FAM98B: variants seen among roughly 807,000 people sequenced by gnomAD.
FAM98B encodes tRNA splicing ligase complex subunit 3B.
Under a neutral mutation model 43.9 loss-of-function variants are expected in FAM98B, and 32 were observed. The observed-to-expected ratio is 0.73, with a 90% confidence interval of 0.55 to 0.98. The LOEUF is 0.98. Ranked by LOEUF, FAM98B falls within the 50% of genes least tolerant of loss-of-function variation. The pLI is 0.00. For synonymous variants in FAM98B, 190 were observed against 174.0 expected (o/e 1.09, Z -0.72); for missense variants, 514 against 522.9 (o/e 0.98, Z 0.17).
chr15:38,462,786 A>C (rs1179276493), intron 1 of FAM98B, among the ~76,000 whole-genome samples: 1 of 152,252 alleles, frequency 6.6e-6, no homozygotes, highest in African/African-American at 2.4e-5. Flanking sequence ...AAAGGCATAG[A>C]AACAGTGACC....
At chr15:38,479,733 T>A (rs914492801) in intron 6 of FAM98B, among the ~76,000 whole-genome samples, 6 of 152,222 alleles carry the variant, frequency 3.9e-5, no homozygotes, top group Non-Finnish European at 2.9e-5. Flanking sequence ...AGTAAAATTT[T>A]ATGGTGGATT....
At chr15:38,475,596 T>G (rs1890186538) in intron 6 of FAM98B, among the ~76,000 whole-genome samples, 1 of 152,320 alleles carries the variant, frequency 6.6e-6, no homozygotes, top group South Asian at 2.1e-4. Flanking sequence ...TCTCTCTCTC[T>G]GCTTCCATTG....
intron 4 of FAM98B, among the ~76,000 whole-genome samples, chr15:38,472,102 A>G (rs1356410589): frequency 2.6e-5 from 4 of 152,180 alleles, no homozygotes; most frequent in African/African-American, 7.2e-5. Context: ...GTCAACCTCC[A>G]GAGCCTGTGC....
intron 6 of FAM98B, among the ~76,000 whole-genome samples, chr15:38,479,989 T>G (rs1890259324): frequency 6.6e-6 from 1 of 152,156 alleles, no homozygotes; most frequent in Admixed American, 6.5e-5. Flanking sequence ...AATTTCCTCT[T>G]TTTAACTTCT....
intron 1 of FAM98B, chr15:38,458,886 G>T: frequency 2.2e-6 from 1 of 445,824 alleles, no homozygotes; most frequent in Non-Finnish European, 4.5e-6. Context: ...TTCTCTGGGT[G>T]GAAGATGTAA....
intron 7 of FAM98B, chr15:38,483,665 C>CAAAAAAA (rs1288830053): frequency 8.2e-5 from 4 of 48,646 alleles, no homozygotes; most frequent in Non-Finnish European, 1.5e-4. Flanking sequence ...GACTCCATCT[C>CAAAAAAA]AAAAAAAAAA....
chr15:38,482,311 A>G (rs926023155), intron 7 of FAM98B: 1 of 152,222 alleles, frequency 6.6e-6, no homozygotes, highest in South Asian at 2.1e-4. Context: ...CTCTCTTTAA[A>G]TATATTACCT....
At chr15:38,474,396 A>G (rs1890168473) in intron 6 of FAM98B, 98 bp downstream of exon 6, 1 of 726,916 alleles carries the variant, frequency 1.4e-6, no homozygotes, top group East Asian at 2.5e-5. Flanking sequence ...TTTGTACTTC[A>G]TCACCATCTC....
chr15:38,455,187 T>C lies in FAM98B; in HGVS notation c.71+955T>C, dbSNP rs566561840. On this transcript the variant is annotated intron_variant, in intron 1 of 7. Transcript: ENST00000397609. ...CTAGAACGGAGTCTTTTACAGTAAA[T>C]AGTGGTTGAATGAATGAGTAAATGA... 6.6e-4 allele frequency among the ~76,000 whole-genome samples: 100 copies of C among 152,218 alleles called. 1 individual carries two copies. The highest frequency in any genetic ancestry group is 2.2e-3 in the African/African-American group (91 of 41,522).
chr15:38,478,265 G>A (rs1176501206), intron 6 of FAM98B, among the ~76,000 whole-genome samples: 2 of 151,986 alleles, frequency 1.3e-5, no homozygotes, highest in African/African-American at 4.8e-5. Flanking sequence ...TTCTCATGTT[G>A]GTCTTTTTTC....
intron 1 of FAM98B, 84 bp downstream of exon 1, chr15:38,454,316 G>T: frequency 2.1e-6 from 3 of 1,444,924 alleles, no homozygotes; most frequent in Non-Finnish European, 2.9e-6. Context: ...TTGGGCCTCT[G>T]TGGGCCTGGG....
At position 38,457,709 on chromosome 15, in the gene FAM98B, G is replaced by A. The variant is rs1205554833; in HGVS notation, c.71+3477G>A. On this transcript the variant is annotated intron_variant, in intron 1 of 7. Transcript: ENST00000397609. ...GTAATGGCAAGAATAGAGGTGGAGAGGAAAACTGAGCAAAGGGGATGTTGG... is the reference window on the plus strand; with the variant it reads ...GTAATGGCAAGAATAGAGGTGGAGAAGAAAACTGAGCAAAGGGGATGTTGG... Among the ~76,000 whole-genome samples the A allele has an allele frequency of 2.0e-5, 3 of 152,074 alleles. No individual in the cohort carries two copies. In the South Asian group the frequency reaches 6.2e-4, roughly 32 times the overall value.
chr15:38,486,570 C>T lies in FAM98B; in HGVS notation c.*1911C>T, dbSNP rs533206691. 3 of 152,152 alleles carry T rather than the reference C, an allele frequency of 2.0e-5. No individual in the cohort carries two copies. The highest frequency in any genetic ancestry group is 4.4e-5 in the Non-Finnish European group (3 of 67,968). The allele number at this position is 152,152 out of a possible 1,614,324, so 9.4% of individuals were successfully genotyped here. A position where few individuals can be genotyped will look rare whatever the true frequency, so the allele number is the denominator to read the frequency against. On this transcript the variant is annotated 3_prime_UTR_variant, in exon 8 of 8. Transcript: ENST00000397609. ...GATTTTCCATAAGATTTCTTTGTAC[C>T]TTTATAGGAGTGCTGCTTGGGTTAT...
At chr15:38,473,460 A>T (rs187994626) in intron 4 of FAM98B, 45 bp from the exon 5 acceptor site, 3 of 1,383,148 alleles carry the variant, frequency 2.2e-6, no homozygotes, top group Admixed American at 3.7e-5. Flanking sequence ...GATTGTTTTA[A>T]ATTAGGAATA....
intron 1 of FAM98B, among the ~76,000 whole-genome samples, chr15:38,456,981 G>A (rs905594551): frequency 3.9e-5 from 6 of 152,124 alleles, no homozygotes; most frequent in African/African-American, 7.2e-5. Context: ...GGATGTGATC[G>A]AATAATTTTA....
chr15:38,455,439 A>G (rs1889833078), intron 1 of FAM98B, among the ~76,000 whole-genome samples: 1 of 151,778 alleles, frequency 6.6e-6, no homozygotes, highest in African/African-American at 2.4e-5. Context: ...TTGCCCCTCT[A>G]TCAATTGTTT....
At position 38,481,367 on chromosome 15, in the gene FAM98B, G is replaced by GC; in HGVS notation, c.806dup (p.His270ThrfsTer7). 6.2e-7 allele frequency: 1 copy of GC among 1,614,100 alleles called. No homozygotes were observed. The highest frequency in any genetic ancestry group is 8.5e-7 in the Non-Finnish European group (1 of 1,180,016). ...GTCACCCAAGACAACGATTACAATG[G>GC]CACATCTACTTGCTGCTCGTGAAGA... On this transcript the variant is annotated frameshift_variant, in exon 7 of 8. Transcript: ENST00000397609. LOFTEE classifies it high-confidence loss of function.
chr15:38,481,265 C>T lies in FAM98B; in HGVS notation c.730-27C>T, dbSNP rs1246141330. The T allele has an allele frequency of 2.5e-6, 4 of 1,572,824 alleles. No homozygotes were observed. In the South Asian group the frequency reaches 3.4e-5, roughly 13 times the overall value. On this transcript the variant is annotated intron_variant, in intron 6 of 7. Coordinates refer to ENST00000397609, the MANE Select transcript of FAM98B (RefSeq NM_173611.4). Reference sequence around the variant, plus strand: ...CTTTCATTAAAATGTACTTTTGTTCCTTTTTTCCTTAACTCTTGTCATTTA... The same window carrying T: ...CTTTCATTAAAATGTACTTTTGTTCTTTTTTTCCTTAACTCTTGTCATTTA...
In FAM98B at chr15:38,486,619, T is replaced by C. The variant is rs1890376788; in HGVS notation, c.*1960T>C. 1 of 152,184 alleles carries C rather than the reference T, an allele frequency of 6.6e-6. No homozygotes were observed. Among genetic ancestry groups the C allele is most frequent in the Non-Finnish European group, 1.5e-5 (1 of 67,992 alleles). 9.4% of individuals were successfully genotyped at this position (152,184 alleles called of 1,614,324 possible). A position where few individuals can be genotyped will look rare whatever the true frequency, so the allele number is the denominator to read the frequency against. ...ATTCACTACAATCACTTATTTCCTATCAAAGTTTAGCACTTGCTCCTGGAA... is the reference window on the plus strand; with the variant it reads ...ATTCACTACAATCACTTATTTCCTACCAAAGTTTAGCACTTGCTCCTGGAA... On this transcript the variant is annotated 3_prime_UTR_variant, in exon 8 of 8. Transcript: ENST00000397609.
Sources: gnomAD v4.1 joint callset for allele counts (sites outside exome capture counted in the v4.1 genomes callset) on GRCh38, gnomAD v4.1.1 for gene constraint, MANE v1.5 for transcripts, NCBI Gene and HGNC (gene_info 2026-07-23, HGNC 2026-07-21) for gene names.